CNTLN: variants seen among roughly 807,000 people sequenced by gnomAD.
CNTLN encodes the protein centlein, centrosomal protein.
CNTLN carries 212 observed loss-of-function variants against 180.0 expected under a neutral mutation model. The ratio of observed to expected loss-of-function variants is 1.18; its 90% CI spans 1.05 to 1.32. The LOEUF is 1.32. Ranked by LOEUF, CNTLN falls within the 40% of genes most tolerant of loss-of-function variation. CNTLN has a pLI of 0.00. For synonymous variants in CNTLN, 722 were observed against 563.1 expected (o/e 1.28, Z -3.99); for missense variants, 2,095 against 1,610.9 (o/e 1.30, Z -5.14).
intron 15 of CNTLN, among the ~76,000 whole-genome samples, chr9:17,399,144 T>C (rs1433301731): frequency 6.6e-6 from 1 of 152,218 alleles, no homozygotes; most frequent in Non-Finnish European, 1.5e-5. Context: ...TGTTCTTTGC[T>C]GAAGATGCTA....
At chr9:17,462,818 A>G (rs1295763866) in intron 19 of CNTLN, 98 bp from the exon 20 acceptor site, 8 of 450,134 alleles carry the variant, frequency 1.8e-5, no homozygotes, top group Middle Eastern at 5.9e-4. Context: ...TACCATAATT[A>G]TTGTAGAGGT....
intron 18 of CNTLN, among the ~76,000 whole-genome samples, chr9:17,419,943 C>T (rs1828577123): frequency 2.6e-5 from 4 of 152,150 alleles, no homozygotes; most frequent in Admixed American, 2.6e-4. Flanking sequence ...GAGACGGAGT[C>T]TCACTCTGTC....
At chr9:17,312,903 T>C (rs1440118351) in intron 8 of CNTLN, among the ~76,000 whole-genome samples, 2 of 152,188 alleles carry the variant, frequency 1.3e-5, no homozygotes, top group Non-Finnish European at 2.9e-5. Flanking sequence ...TTCTATCAAT[T>C]GCTTTAGAAA....
chr9:17,192,000 A>G (rs1821817869), intron 2 of CNTLN, among the ~76,000 whole-genome samples: 1 of 152,144 alleles, frequency 6.6e-6, no homozygotes, highest in South Asian at 2.1e-4. Context: ...TTTGACTCAA[A>G]AATGATTTTT....
intron 25 of CNTLN, among the ~76,000 whole-genome samples, chr9:17,495,359 A>T (rs1466596736): frequency 2.0e-5 from 3 of 152,118 alleles, no homozygotes; most frequent in Non-Finnish European, 2.9e-5. Context: ...TTCCAGTGGG[A>T]CAAGATGTGG....
chr9:17,514,422 C>G, the CNTLN span, among the ~76,000 whole-genome samples: 1 of 152,142 alleles, frequency 6.6e-6, no homozygotes, highest in Non-Finnish European at 1.5e-5. Context: ...ATGACTTTAT[C>G]ATTAACATCG....
intron 1 of CNTLN, among the ~76,000 whole-genome samples, chr9:17,140,547 G>A (rs1222952060): frequency 4.6e-5 from 7 of 151,952 alleles, no homozygotes; most frequent in South Asian, 4.2e-4. Flanking sequence ...CTCAGCAATC[G>A]TCCCACCCTC....
intron 15 of CNTLN, among the ~76,000 whole-genome samples, chr9:17,399,525 CT>C (rs1348168080): frequency 6.6e-5 from 10 of 152,076 alleles, no homozygotes; most frequent in Admixed American, 6.5e-4. Flanking sequence ...TTTTCTTTTT[CT>C]TTTTGCTTCA....
At chr9:17,156,542 T>G (rs1819302920) in intron 2 of CNTLN, among the ~76,000 whole-genome samples, 1 of 152,176 alleles carries the variant, frequency 6.6e-6, no homozygotes, top group African/African-American at 2.4e-5. Context: ...TGGAATAAAT[T>G]GGGTTATTTA....
At chr9:17,240,617 C>T (rs1825424777) in intron 5 of CNTLN, among the ~76,000 whole-genome samples, 4 of 151,484 alleles carry the variant, frequency 2.6e-5, no homozygotes, top group Admixed American at 2.6e-4. Context: ...ATTTTTTTTT[C>T]ACATAGAGTT....
chr9:17,440,479 T>A (rs1225564283), intron 18 of CNTLN, among the ~76,000 whole-genome samples: 2 of 148,150 alleles, frequency 1.3e-5, no homozygotes, highest in Non-Finnish European at 3.0e-5. Flanking sequence ...ATCCCAGCTA[T>A]TCGAGAGGCT....
intron 13 of CNTLN, among the ~76,000 whole-genome samples, chr9:17,386,203 G>A (rs952000870): frequency 6.6e-6 from 1 of 151,598 alleles, no homozygotes; most frequent in Non-Finnish European, 1.5e-5. Flanking sequence ...CAAAGTAAAA[G>A]ATTGCAGAAA....
At chr9:17,162,316 G>A (rs977926778) in intron 2 of CNTLN, among the ~76,000 whole-genome samples, 4 of 152,044 alleles carry the variant, frequency 2.6e-5, no homozygotes, top group Non-Finnish European at 5.9e-5. Flanking sequence ...GGGTCTCACT[G>A]TGTTAGGCAG....
At chr9:17,257,108 T>G (rs1427703693) in intron 5 of CNTLN, among the ~76,000 whole-genome samples, 5 of 152,004 alleles carry the variant, frequency 3.3e-5, no homozygotes, top group African/African-American at 9.7e-5. Context: ...GTATATCTCC[T>G]AATGCTATCC....
intron 7 of CNTLN, among the ~76,000 whole-genome samples, chr9:17,307,548 G>T (rs1362287813): frequency 6.6e-6 from 1 of 152,106 alleles, no homozygotes; most frequent in Non-Finnish European, 1.5e-5. Context: ...GGGATTACAG[G>T]CGTGAGCCAC....
chr9:17,221,908 A>G (rs998647675), intron 2 of CNTLN, among the ~76,000 whole-genome samples: 2 of 152,042 alleles, frequency 1.3e-5, no homozygotes, highest in South Asian at 4.1e-4. Flanking sequence ...AACATATCTG[A>G]ATCTGTTCTC....
At chr9:17,335,963 T>C (rs1037254057) in intron 10 of CNTLN, among the ~76,000 whole-genome samples, 16 of 151,870 alleles carry the variant, frequency 1.1e-4, no homozygotes, top group African/African-American at 3.9e-4. Context: ...GCTTCTAGTT[T>C]AGCTAGTTTA....
intron 5 of CNTLN, among the ~76,000 whole-genome samples, chr9:17,266,928 G>T (rs1000468431): frequency 1.1e-4 from 16 of 152,162 alleles, no homozygotes; most frequent in African/African-American, 3.9e-4. Context: ...GAGCCTATGT[G>T]TGTCTCTGCA....
At chr9:17,440,524 G>C (rs146196993) in intron 18 of CNTLN, among the ~76,000 whole-genome samples, 2,386 of 147,576 alleles carry the variant, frequency 0.016, 62 homozygotes, top group African/African-American at 0.057. Flanking sequence ...GGGAGACGGA[G>C]CTTGAAGTGA....
Sources: gnomAD v4.1 joint callset for allele counts (sites outside exome capture counted in the v4.1 genomes callset) on GRCh38, gnomAD v4.1.1 for gene constraint, MANE v1.5 for transcripts, NCBI Gene and HGNC (gene_info 2026-07-23, HGNC 2026-07-21) for gene names.